ZNF892: variants seen among roughly 807,000 people sequenced by gnomAD.
ZNF892 encodes zinc finger protein 892, also known as zinc finger protein 570-like.
the ZNF892 span, among the ~76,000 whole-genome samples, chr2:95,210,243 A>G: frequency 2.7e-5 from 4 of 149,690 alleles, no homozygotes; most frequent in Non-Finnish European, 4.4e-5. Context: ...ATATATGTAT[A>G]TATATATGTG....
the ZNF892 span, among the ~76,000 whole-genome samples, chr2:95,232,928 T>C: frequency 8.5e-6 from 1 of 117,048 alleles, no homozygotes; most frequent in African/African-American, 3.3e-5. Context: ...GTTTGCGAGC[T>C]GAATGGCCTG....
the ZNF892 span, among the ~76,000 whole-genome samples, chr2:95,227,294 C>G: frequency 6.6e-6 from 1 of 152,018 alleles, no homozygotes; most frequent in South Asian, 2.1e-4. Flanking sequence ...CTGTATCTTA[C>G]AAGAATATGT....
the ZNF892 span, among the ~76,000 whole-genome samples, chr2:95,206,974 C>T: frequency 6.6e-6 from 1 of 152,076 alleles, no homozygotes; most frequent in East Asian, 1.9e-4. Flanking sequence ...CCTCCAGGCT[C>T]CAGCCTCCTT....
At chr2:95,239,598 A>G in the ZNF892 span, among the ~76,000 whole-genome samples, 3 of 151,860 alleles carry the variant, frequency 2.0e-5, no homozygotes, top group African/African-American at 7.3e-5. Flanking sequence ...GCAAAAAGAT[A>G]GTTTTTTGTT....
At chr2:95,232,796 A>G in the ZNF892 span, among the ~76,000 whole-genome samples, 1 of 8,754 alleles carries the variant, frequency 1.1e-4, no homozygotes, top group African/African-American at 1.0e-3. Flanking sequence ...GACTGCTTTG[A>G]ATATACCTAT....
chr2:95,252,368 G>A, the ZNF892 span, among the ~76,000 whole-genome samples: 3 of 151,970 alleles, frequency 2.0e-5, no homozygotes, highest in African/African-American at 7.3e-5. Context: ...AGTTTGCTGA[G>A]AATGATGGTT....
At chr2:95,257,904 A>G in the ZNF892 span, among the ~76,000 whole-genome samples, 1 of 152,170 alleles carries the variant, frequency 6.6e-6, no homozygotes, top group African/African-American at 2.4e-5. Flanking sequence ...GCCATTTGCT[A>G]AGACCATTGG....
chr2:95,236,910 G>C, the ZNF892 span, among the ~76,000 whole-genome samples: 2 of 152,152 alleles, frequency 1.3e-5, no homozygotes, highest in East Asian at 3.9e-4. Context: ...AAAATTTCTA[G>C]GAATTTCACA....
chr2:95,233,309 C>G, the ZNF892 span, among the ~76,000 whole-genome samples: 22 of 151,664 alleles, frequency 1.5e-4, no homozygotes, highest in South Asian at 4.2e-3. Context: ...AAGCAATCCT[C>G]CCACCTCAGC....
the ZNF892 span, among the ~76,000 whole-genome samples, chr2:95,224,365 C>T: frequency 6.6e-6 from 1 of 152,072 alleles, no homozygotes; most frequent in African/African-American, 2.4e-5. Context: ...CCCATTTTCA[C>T]GTGCTATAAA....
chr2:95,214,752 CAG>C, the ZNF892 span: 3 of 444,044 alleles, frequency 6.8e-6, no homozygotes, highest in Non-Finnish European at 1.2e-5. Context: ...TGTCTTGCAT[CAG>C]AGAATTCACA....
At chr2:95,208,205 T>TTGG in the ZNF892 span, among the ~76,000 whole-genome samples, 2 of 152,078 alleles carry the variant, frequency 1.3e-5, no homozygotes, top group Non-Finnish European at 2.9e-5. Flanking sequence ...TGTTTTGTTT[T>TTGG]TGGTGGTGGT....
the ZNF892 span, chr2:95,215,330 T>C: frequency 4.3e-6 from 2 of 467,944 alleles, no homozygotes; most frequent in Non-Finnish European, 7.6e-6. Flanking sequence ...GCTCAGCCCT[T>C]ATTCGTCATC....
chr2:95,251,152 A>G, the ZNF892 span, among the ~76,000 whole-genome samples: 2 of 152,134 alleles, frequency 1.3e-5, no homozygotes, highest in African/African-American at 2.4e-5. Context: ...TCACCTATAC[A>G]TAACATACAT....
At chr2:95,208,343 A>G in the ZNF892 span, among the ~76,000 whole-genome samples, 2 of 152,256 alleles carry the variant, frequency 1.3e-5, no homozygotes, top group Admixed American at 1.3e-4. Context: ...ACACAGATGA[A>G]TCACTGAGGC....
the ZNF892 span, among the ~76,000 whole-genome samples, chr2:95,248,358 G>A: frequency 6.6e-6 from 1 of 152,100 alleles, no homozygotes; most frequent in African/African-American, 2.4e-5. Context: ...TGGGGAGAGA[G>A]AGGCAAGGGT....
chr2:95,245,245 ATTTTTTTTTTTTTT>A, the ZNF892 span, among the ~76,000 whole-genome samples: 6 of 77,726 alleles, frequency 7.7e-5, no homozygotes, highest in South Asian at 2.6e-3. Context: ...CCTGGAGCTG[ATTTTTTTTTTTTTT>A]TTTTTTTTTG....
chr2:95,208,133 C>T, the ZNF892 span, among the ~76,000 whole-genome samples: 12 of 152,144 alleles, frequency 7.9e-5, no homozygotes, highest in Non-Finnish European at 7.4e-5. Flanking sequence ...AGGAACTATC[C>T]GACCCTTTTG....
At chr2:95,235,404 C>T in the ZNF892 span, among the ~76,000 whole-genome samples, 1 of 151,126 alleles carries the variant, frequency 6.6e-6, no homozygotes, top group Non-Finnish European at 1.5e-5. Context: ...GCTCTGTCGC[C>T]CAGGCTGGGT....
Sources: allele counts gnomAD v4.1 joint callset (sites outside exome capture counted in the v4.1 genomes callset), GRCh38; gene constraint gnomAD v4.1.1; transcripts MANE v1.5; gene names NCBI Gene and HGNC (gene_info 2026-07-23, HGNC 2026-07-21).